Variants in APBB1IP observed in about 807,000 individuals in gnomAD.
APBB1IP encodes the protein amyloid beta A4 precursor protein-binding family B member 1-interacting protein.
In APBB1IP, 27 loss-of-function variants were observed where a neutral mutation model predicts 64.9. The ratio of observed to expected loss-of-function variants is 0.42; its 90% CI spans 0.31 to 0.57. The LOEUF is 0.57. APBB1IP is among the 20% of genes least tolerant of loss of function. The probability of loss-of-function intolerance (pLI) is 0.20; values close to 1 mark genes in which losing one functional copy is unlikely to be tolerated. For synonymous variants in APBB1IP, 392 were observed against 331.0 expected (o/e 1.18, Z -2.00); for missense variants, 812 against 845.5 (o/e 0.96, Z 0.49).
intron 2 of APBB1IP, among the ~76,000 whole-genome samples, chr10:26,456,372 G>A (rs528992217): frequency 1.3e-5 from 2 of 152,260 alleles, no homozygotes; most frequent in Non-Finnish European, 2.9e-5. Context: ...TGATAGCAGC[G>A]GAGTAGATTT....
At chr10:26,527,895 T>C (rs1836498332) in intron 8 of APBB1IP, among the ~76,000 whole-genome samples, 1 of 152,106 alleles carries the variant, frequency 6.6e-6, no homozygotes, top group Non-Finnish European at 1.5e-5. Flanking sequence ...TTTCACCATC[T>C]TGGCCAGGCT....
chr10:26,514,353 A>G (rs1309529035), intron 8 of APBB1IP, among the ~76,000 whole-genome samples: 1 of 152,038 alleles, frequency 6.6e-6, no homozygotes, highest in Non-Finnish European at 1.5e-5. Flanking sequence ...TGTTGTTTGT[A>G]TTTGGTGCTT....
At chr10:26,525,320 T>C (rs1836460117) in intron 8 of APBB1IP, among the ~76,000 whole-genome samples, 1 of 152,076 alleles carries the variant, frequency 6.6e-6, no homozygotes, top group South Asian at 2.1e-4. Context: ...GTCTTCTACT[T>C]AGCATAAAAA....
chr10:26,500,501 A>G (rs1181475996), intron 4 of APBB1IP, among the ~76,000 whole-genome samples: 2 of 152,178 alleles, frequency 1.3e-5, no homozygotes, highest in Non-Finnish European at 2.9e-5. Context: ...TTTCCTACTT[A>G]GGCATCTATT....
chr10:26,447,264 A>T (rs1302763508), intron 2 of APBB1IP, among the ~76,000 whole-genome samples: 5 of 150,812 alleles, frequency 3.3e-5, no homozygotes, highest in African/African-American at 1.2e-4. Context: ...AGTCCCAGCT[A>T]CTCGGGAGGC....
chr10:26,493,092 T>G (rs1835977474), intron 3 of APBB1IP, among the ~76,000 whole-genome samples: 1 of 152,178 alleles, frequency 6.6e-6, no homozygotes, highest in African/African-American at 2.4e-5. Context: ...GGGGAAAGAA[T>G]TCAGTGATAT....
chr10:26,554,392 G>A (rs545094738), intron 11 of APBB1IP, among the ~76,000 whole-genome samples: 214 of 152,302 alleles, frequency 1.4e-3, no homozygotes, highest in Non-Finnish European at 2.1e-3. Flanking sequence ...ATGCCTCCAC[G>A]CCTCTTCTAG....
chr10:26,523,273 A>C (rs1006484503), intron 8 of APBB1IP, among the ~76,000 whole-genome samples: 17 of 152,240 alleles, frequency 1.1e-4, no homozygotes, highest in Non-Finnish European at 2.4e-4. Context: ...GGTACTAGCC[A>C]AAAGCCACAG....
chr10:26,524,589 A>G (rs1018377127), intron 8 of APBB1IP, among the ~76,000 whole-genome samples: 3 of 152,176 alleles, frequency 2.0e-5, no homozygotes, highest in Non-Finnish European at 4.4e-5. Context: ...TCATAAATCA[A>G]TATGTGGAAG....
At chr10:26,471,724 C>T (rs578168049) in intron 2 of APBB1IP, among the ~76,000 whole-genome samples, 23 of 151,920 alleles carry the variant, frequency 1.5e-4, no homozygotes, top group South Asian at 8.3e-4. Context: ...CTTGCTCTGT[C>T]GCCAGGCTGG....
chr10:26,541,366 C>T (rs1836694650), intron 10 of APBB1IP, among the ~76,000 whole-genome samples: 1 of 152,152 alleles, frequency 6.6e-6, no homozygotes, highest in African/African-American at 2.4e-5. Context: ...ATAGATCTTA[C>T]TAAATTGTCC....
chr10:26,452,960 T>C (rs749484260), intron 2 of APBB1IP, among the ~76,000 whole-genome samples: 3 of 152,244 alleles, frequency 2.0e-5, no homozygotes, highest in Non-Finnish European at 4.4e-5. Context: ...AATTAAGATA[T>C]ACTATCTTCA....
At chr10:26,532,389 C>T (rs187185278) in intron 8 of APBB1IP, among the ~76,000 whole-genome samples, 81 of 152,268 alleles carry the variant, frequency 5.3e-4, no homozygotes, top group African/African-American at 1.7e-3. Context: ...CCTGTTGATA[C>T]TCAGTATTAA....
chr10:26,533,378 C>T (rs1230242059), intron 8 of APBB1IP, 61 bp from the exon 9 acceptor site: 2 of 982,622 alleles, frequency 2.0e-6, no homozygotes, highest in Non-Finnish European at 3.0e-6. Context: ...CTGTGAGTTC[C>T]TTGCAGAGTC....
intron 2 of APBB1IP, among the ~76,000 whole-genome samples, chr10:26,446,992 T>C (rs942421827): frequency 2.6e-5 from 4 of 152,106 alleles, no homozygotes; most frequent in Admixed American, 6.5e-5. Flanking sequence ...CAATGTTTGA[T>C]ACAGAAATAA....
At chr10:26,562,705 T>C (rs548262698) in intron 14 of APBB1IP, among the ~76,000 whole-genome samples, 2 of 152,094 alleles carry the variant, frequency 1.3e-5, no homozygotes, top group East Asian at 3.9e-4. Flanking sequence ...GCTGAGGTGT[T>C]TGACTTGCTT....
chr10:26,535,395 C>T (rs1038568823), intron 9 of APBB1IP, among the ~76,000 whole-genome samples: 4 of 151,924 alleles, frequency 2.6e-5, no homozygotes, highest in Admixed American at 2.6e-4. Flanking sequence ...GCAATGTGAC[C>T]TAGTCGCATC....
chr10:26,497,670 A>C lies in APBB1IP; in HGVS notation c.160+1279A>C, dbSNP rs576498894. ...AAAATGTGAAAAGCAAAATAGGAGA[A>C]AAGTTCAATTACAGAAATCCAGAAT... is the stretch of plus-strand genomic sequence containing the variant. On this transcript the variant is annotated intron_variant, in intron 4 of 14. Transcript: ENST00000376236. Among the ~76,000 whole-genome samples, 62 of 152,230 alleles carry C rather than the reference A, an allele frequency of 4.1e-4. 1 individual carries two copies. The highest frequency in any genetic ancestry group is 1.4e-3 in the African/African-American group (60 of 41,550).
intron 2 of APBB1IP, among the ~76,000 whole-genome samples, chr10:26,440,256 TA>T (rs1323541175): frequency 5.9e-5 from 9 of 152,304 alleles, no homozygotes; most frequent in African/African-American, 2.2e-4. Context: ...ATAACGTCAG[TA>T]AAGTGAGATG....
Sources: allele counts gnomAD v4.1 joint callset (sites outside exome capture counted in the v4.1 genomes callset), GRCh38; gene constraint gnomAD v4.1.1; transcripts MANE v1.5; gene names NCBI Gene and HGNC (gene_info 2026-07-23, HGNC 2026-07-21).